The following ANK2 variants were observed in gnomAD, a reference collection of about 807,000 sequenced individuals.
ANK2 encodes the protein ankyrin-2.
In ANK2, 83 loss-of-function variants were observed where a neutral mutation model predicts 360.5. The observed-to-expected ratio is 0.23, with a 90% CI of 0.19 to 0.28. The LOEUF (loss-of-function observed/expected upper bound fraction) is 0.28, where lower values mean the gene tolerates loss of function less well. Among genes scored for constraint, ANK2 ranks in the 10% least tolerant of loss-of-function variants. The probability of loss-of-function intolerance (pLI) is 1.00; values close to 1 mark genes in which losing one functional copy is unlikely to be tolerated. For missense variants in ANK2, 4,201 were observed against 4,795.7 expected (o/e 0.88, Z 3.66); for synonymous variants, 1,740 against 1,759.5 (o/e 0.99, Z 0.28).
intron 14 of ANK2, among the ~76,000 whole-genome samples, chr4:113,268,426 T>C (rs1320515589): frequency 6.6e-6 from 1 of 152,250 alleles, no homozygotes; most frequent in Non-Finnish European, 1.5e-5. Context: ...ATATGTTCCA[T>C]CAATACCTAG....
At chr4:112,885,269 G>T (rs1258651331) in intron 1 of ANK2, among the ~76,000 whole-genome samples, 5 of 152,012 alleles carry the variant, frequency 3.3e-5, no homozygotes, top group Non-Finnish European at 5.9e-5. Context: ...GGGAGGCTGA[G>T]GCGGGTGGAT....
upstream of ANK2, among the ~76,000 whole-genome samples, chr4:113,048,248 G>GTGTATATATATA (rs1252407907): frequency 3.9e-4 from 14 of 36,252 alleles, no homozygotes; most frequent in Non-Finnish European, 5.9e-4. Context: ...CTACAAGTGT[G>GTGTATATATATA]TATATATATA....
At chr4:113,201,446 G>A (rs17045745) in intron 4 of ANK2, among the ~76,000 whole-genome samples, 7,308 of 152,208 alleles carry the variant, frequency 0.048, 218 homozygotes, top group African/African-American at 0.078. Context: ...AATGTGAGGG[G>A]AAACTGGGTG....
chr4:112,857,973 G>A (rs889164423), intron 1 of ANK2, among the ~76,000 whole-genome samples: 1 of 152,096 alleles, frequency 6.6e-6, no homozygotes, highest in Non-Finnish European at 1.5e-5. Context: ...GTAGAACTAA[G>A]TGCTCTTTTG....
intron 2 of ANK2, among the ~76,000 whole-genome samples, chr4:112,994,057 G>T (rs2047734995): frequency 6.6e-6 from 1 of 152,162 alleles, no homozygotes; most frequent in Non-Finnish European, 1.5e-5. Context: ...ATTTTCATTT[G>T]ACAGTCTGGA....
chr4:113,047,846 A>AGG (rs2154319887), upstream of ANK2, among the ~76,000 whole-genome samples: 1 of 152,116 alleles, frequency 6.6e-6, no homozygotes, highest in African/African-American at 2.4e-5. Flanking sequence ...GATGACGTGG[A>AGG]GGGGCCTTAG....
At chr4:113,206,963 G>A (rs1487766595) in intron 4 of ANK2, among the ~76,000 whole-genome samples, 9 of 152,180 alleles carry the variant, frequency 5.9e-5, no homozygotes, top group Admixed American at 5.9e-4. Context: ...GGCAGAGGTT[G>A]CAGTGAGCTG....
chr4:113,330,535 C>A, intron 27 of ANK2, 65 bp downstream of exon 27: 1 of 1,527,504 alleles, frequency 6.5e-7, no homozygotes, highest in Non-Finnish European at 9.0e-7. Context: ...CATGAAATCA[C>A]TAGGATGGAA....
At chr4:112,789,543 T>C in the ANK2 span, among the ~76,000 whole-genome samples, 1 of 152,214 alleles carries the variant, frequency 6.6e-6, no homozygotes, top group Non-Finnish European at 1.5e-5. Context: ...AGCATACTTA[T>C]ATTTATTAAC....
chr4:112,922,318 T>C (rs1441570448), intron 2 of ANK2, among the ~76,000 whole-genome samples: 1 of 152,232 alleles, frequency 6.6e-6, no homozygotes, highest in African/African-American at 2.4e-5. Context: ...AAGGGTCCTA[T>C]ATATGGCTCA....
At chr4:113,287,573 A>G (rs747505193) in intron 18 of ANK2, 32 bp from the exon 19 acceptor site, 7 of 1,465,970 alleles carry the variant, frequency 4.8e-6, no homozygotes, top group South Asian at 2.3e-5. Context: ...TTCTTCTTCA[A>G]CTGTATCCCT....
chr4:113,276,657 C>T (rs534226808), intron 15 of ANK2, among the ~76,000 whole-genome samples: 49 of 152,206 alleles, frequency 3.2e-4, no homozygotes, highest in Middle Eastern at 3.4e-3. Context: ...CTACGTTTGT[C>T]CCACACTTGG....
In ANK2 at chr4:113,343,129, C is replaced by A; in HGVS notation, c.4235C>A (p.Pro1412His). 1 of 1,613,238 alleles carries A rather than the reference C, an allele frequency of 6.2e-7. No homozygotes were observed. The highest frequency in any genetic ancestry group is 8.5e-7 in the Non-Finnish European group (1 of 1,179,412). ...TTTGCCTTCAAAGAAAATAGACTTC[C>A]TCTATTTGTCAAGGTAATATATACA... ...SFFAFKENRL[P>H]LFVKVRDTTQ... is the part of the protein sequence containing the mutation. The change falls in exon 34 of 46, where the codon CCT becomes CAT. Residue 1412 changes from proline to histidine, a missense_variant. This residue lies in a region of ANK2 where 1,268 missense variants were observed against 1,650.8 expected (regional missense o/e 0.77). Coordinates refer to ENST00000357077, the MANE Select transcript of ANK2 (RefSeq NM_001148.6).
chr4:113,125,150 A>C (rs1240104180), intron 1 of ANK2, among the ~76,000 whole-genome samples: 2 of 152,160 alleles, frequency 1.3e-5, no homozygotes, highest in African/African-American at 4.8e-5. Flanking sequence ...GTCTGTAAAA[A>C]AAGCCTTCAA....
At chr4:113,196,162 ATGAATACTTACCTTATTGCCTC>A (rs2098744305) in intron 2 of ANK2, among the ~76,000 whole-genome samples, 184 bp from the exon 3 acceptor site, 2 of 152,226 alleles carry the variant, frequency 1.3e-5, no homozygotes, top group Non-Finnish European at 2.9e-5. Flanking sequence ...CATGTTTCTA[ATGAATACTTACCTTATTGCCTC>A]TCTGAATCAA....
chr4:113,107,685 A>T (rs2093802954), intron 1 of ANK2, among the ~76,000 whole-genome samples: 1 of 152,116 alleles, frequency 6.6e-6, no homozygotes, highest in Admixed American at 6.6e-5. Context: ...CTACTTTATT[A>T]TCTTATGCTT....
At chr4:112,968,815 C>T (rs1054934578) in intron 2 of ANK2, among the ~76,000 whole-genome samples, 1 of 152,110 alleles carries the variant, frequency 6.6e-6, no homozygotes, top group Non-Finnish European at 1.5e-5. Context: ...TTTACTTGCC[C>T]TATAGTTGTT....
At chr4:113,215,030 TA>T (rs993225030) in intron 4 of ANK2, among the ~76,000 whole-genome samples, 55 of 152,274 alleles carry the variant, frequency 3.6e-4, no homozygotes, top group African/African-American at 1.3e-3. Context: ...TCATACCCCT[TA>T]AAAATGTTAT....
the ANK2 span, among the ~76,000 whole-genome samples, chr4:112,765,765 C>A: frequency 6.6e-6 from 1 of 151,784 alleles, no homozygotes; most frequent in Non-Finnish European, 1.5e-5. Flanking sequence ...GTCTTTCCCC[C>A]AACTTCACTG....
Sources: allele counts gnomAD v4.1 joint callset (sites outside exome capture counted in the v4.1 genomes callset), GRCh38; gene constraint gnomAD v4.1.1; regional missense constraint gnomAD v4.1.1; transcripts MANE v1.5; gene names NCBI Gene and HGNC (gene_info 2026-07-23, HGNC 2026-07-21).